The following LINGO2 variants were observed in gnomAD, a reference collection of about 807,000 sequenced individuals.
LINGO2 encodes leucine-rich repeat and immunoglobulin-like domain-containing nogo receptor-interacting protein 2.
In LINGO2, 14 loss-of-function variants were observed where a neutral mutation model predicts 30.6. That is an observed-to-expected ratio of 0.46 (90% CI 0.30 to 0.72). LINGO2 has a LOEUF of 0.72. LINGO2 is among the 30% of genes least tolerant of loss of function. The probability of loss-of-function intolerance (pLI) is 0.07; values close to 1 mark genes in which losing one functional copy is unlikely to be tolerated. For missense variants in LINGO2, 729 were observed against 751.7 expected (o/e 0.97, Z 0.35); for synonymous variants, 317 against 288.5 (o/e 1.10, Z -1.00).
chr9:28,760,434 C>G, the LINGO2 span, among the ~76,000 whole-genome samples: 1 of 151,984 alleles, frequency 6.6e-6, no homozygotes, highest in African/African-American at 2.4e-5. Context: ...ACAAGATTTT[C>G]AAGAAATTCA....
chr9:28,994,404 G>T, the LINGO2 span, among the ~76,000 whole-genome samples: 6 of 152,068 alleles, frequency 3.9e-5, no homozygotes, highest in East Asian at 1.9e-4. Context: ...CCATGCTTAT[G>T]GGTAGGAAGA....
At chr9:28,580,099 G>A (rs906260943) in intron 1 of LINGO2, among the ~76,000 whole-genome samples, 3 of 152,028 alleles carry the variant, frequency 2.0e-5, no homozygotes, top group African/African-American at 7.2e-5. Flanking sequence ...GTATGTCTTT[G>A]AGCCACAGGA....
chr9:28,993,421 G>T, the LINGO2 span, among the ~76,000 whole-genome samples: 10 of 152,096 alleles, frequency 6.6e-5, no homozygotes, highest in Admixed American at 5.2e-4. Context: ...AATCATAGCC[G>T]AATTCTACCA....
At chr9:28,617,378 T>C (rs1006002098) in intron 1 of LINGO2, among the ~76,000 whole-genome samples, 4 of 151,690 alleles carry the variant, frequency 2.6e-5, no homozygotes, top group East Asian at 1.9e-4. Context: ...TCACTGCAAC[T>C]TCCGCCTCCC....
At chr9:28,645,134 T>G (rs1422321880) in intron 1 of LINGO2, among the ~76,000 whole-genome samples, 5 of 152,132 alleles carry the variant, frequency 3.3e-5, no homozygotes, top group African/African-American at 1.2e-4. Flanking sequence ...AAATCCAGCT[T>G]CTAGGTTTAT....
chr9:28,748,436 C>G, the LINGO2 span, among the ~76,000 whole-genome samples: 3 of 151,772 alleles, frequency 2.0e-5, no homozygotes, highest in Admixed American at 2.0e-4. Context: ...TCCTCACACA[C>G]TACTATAAGA....
At chr9:28,194,121 T>C (rs550486297) in intron 4 of LINGO2, among the ~76,000 whole-genome samples, 24 of 152,272 alleles carry the variant, frequency 1.6e-4, no homozygotes, top group African/African-American at 5.3e-4. Context: ...AAGGGGATTG[T>C]TGAAGTCAAA....
chr9:29,199,103 T>A, the LINGO2 span, among the ~76,000 whole-genome samples: 1 of 152,088 alleles, frequency 6.6e-6, no homozygotes, highest in African/African-American at 2.4e-5. Flanking sequence ...CCCCTCTCAT[T>A]GAAGTTTCAG....
the LINGO2 span, among the ~76,000 whole-genome samples, chr9:28,881,598 C>CT: frequency 1.7e-3 from 247 of 143,276 alleles, 2 homozygotes; most frequent in Middle Eastern, 0.018. Flanking sequence ...TACTGACAAC[C>CT]TTTTTTTTTT....
At chr9:27,977,628 C>T (rs950217350) in intron 5 of LINGO2, among the ~76,000 whole-genome samples, 1 of 151,808 alleles carries the variant, frequency 6.6e-6, no homozygotes, top group Non-Finnish European at 1.5e-5. Flanking sequence ...TACTAAACAG[C>T]AGCACCATCA....
the LINGO2 span, among the ~76,000 whole-genome samples, chr9:28,714,164 AATATATAT>A: frequency 8.5e-6 from 1 of 117,158 alleles, no homozygotes; most frequent in Non-Finnish European, 1.7e-5. Flanking sequence ...TGCCTCAAAT[AATATATAT>A]ATATATATAT....
At chr9:28,781,273 T>C in the LINGO2 span, among the ~76,000 whole-genome samples, 6 of 152,258 alleles carry the variant, frequency 3.9e-5, no homozygotes, top group East Asian at 7.8e-4. Flanking sequence ...TGCAGCCAGA[T>C]GCCGGGCTCT....
intron 3 of LINGO2, among the ~76,000 whole-genome samples, chr9:28,323,540 C>T (rs1468833452): frequency 2.0e-5 from 3 of 152,162 alleles, no homozygotes; most frequent in Non-Finnish European, 4.4e-5. Context: ...GCAGAGGTTG[C>T]ACTGAGCTGA....
intron 4 of LINGO2, among the ~76,000 whole-genome samples, chr9:28,195,422 T>A (rs1410369174): frequency 7.4e-6 from 1 of 134,348 alleles, no homozygotes; most frequent in African/African-American, 2.7e-5. Flanking sequence ...TATAATTATA[T>A]GAAAGATAAG....
the LINGO2 span, among the ~76,000 whole-genome samples, chr9:28,834,873 A>C: frequency 6.6e-6 from 1 of 152,204 alleles, no homozygotes; most frequent in Non-Finnish European, 1.5e-5. Context: ...TATTGGAACT[A>C]ATTAGAATAA....
rs117385296 is a variant in LINGO2 at position 27,960,675 on chromosome 9, T to C, written c.-35-9969A>G. ...TGGTTTTGCATTTAGAAAGCTTCTC[T>C]TTTTGACAGCATGTAGTTATTTCTT... On this transcript the variant is annotated intron_variant, in intron 5 of 5. Coordinates refer to ENST00000379992, the Ensembl canonical transcript of LINGO2. 1.2e-3 allele frequency among the ~76,000 whole-genome samples: 186 copies of C among 151,898 alleles called. 8 individuals carry two copies. The East Asian group carries it at 0.034, about 28-fold the overall frequency.
intron 1 of LINGO2, among the ~76,000 whole-genome samples, chr9:28,587,976 C>G (rs1824651350): frequency 6.6e-6 from 1 of 151,968 alleles, no homozygotes; most frequent in African/African-American, 2.4e-5. Context: ...ACTGGGCTGG[C>G]CACGTATCCA....
chr9:28,609,175 A>G (rs1313384240), intron 1 of LINGO2, among the ~76,000 whole-genome samples: 1 of 145,548 alleles, frequency 6.9e-6, no homozygotes, highest in Admixed American at 6.9e-5. Context: ...TTTTTTTTAC[A>G]AAACTATAAA....
intron 1 of LINGO2, among the ~76,000 whole-genome samples, chr9:28,612,333 G>A (rs1825954396): frequency 6.6e-6 from 1 of 152,136 alleles, no homozygotes; most frequent in South Asian, 2.1e-4. Context: ...AAAATGCTGG[G>A]AATATAGGCA....
Sources: allele counts gnomAD v4.1 joint callset (sites outside exome capture counted in the v4.1 genomes callset), GRCh38; gene constraint gnomAD v4.1.1; transcripts MANE v1.5; gene names NCBI Gene and HGNC (gene_info 2026-07-23, HGNC 2026-07-21).